The following NEMP2 variants were observed in gnomAD, a reference collection of about 807,000 sequenced individuals.
The protein encoded by NEMP2 is nuclear envelope integral membrane protein 2.
In NEMP2, 53 loss-of-function variants were observed where a neutral mutation model predicts 54.2. That is an observed-to-expected ratio of 0.98 (90% CI 0.78 to 1.23). The LOEUF is 1.23. NEMP2 is among the 50% of genes most tolerant of loss of function. NEMP2 has a pLI of 0.00. For synonymous variants in NEMP2, 197 were observed against 190.3 expected (o/e 1.04, Z -0.29); for missense variants, 455 against 511.3 (o/e 0.89, Z 1.06).
At chr2:190,432,829 A>AAC in the NEMP2 span, among the ~76,000 whole-genome samples, 627 of 110,264 alleles carry the variant, frequency 5.7e-3, 2 homozygotes, top group South Asian at 0.014. Context: ...CCCGCCCCCC[A>AAC]ACACACACAC....
At chr2:190,503,473 T>C (rs567603126), downstream of NEMP2, among the ~76,000 whole-genome samples, 9 of 152,388 alleles carry the variant, frequency 5.9e-5, no homozygotes, top group African/African-American at 1.7e-4. The surrounding 1 kb of genome is among the most constrained non-coding windows in gnomAD (Gnocchi z 6.3). Context: ...AAGGCTACCA[T>C]ACTGGACAGC....
At chr2:190,534,366 A>T in intron 1 of NEMP2, 193 bp downstream of exon 1, 1 of 1,205,938 alleles carries the variant, frequency 8.3e-7, no homozygotes, top group Non-Finnish European at 1.0e-6. Flanking sequence ...CTGCCAGGCG[A>T]GAGACTACGG....
chr2:190,554,220 C>A, the NEMP2 span, among the ~76,000 whole-genome samples: 1 of 152,200 alleles, frequency 6.6e-6, no homozygotes, highest in East Asian at 1.9e-4. This position sits in a 1 kb window ranked among gnomAD's most constrained non-coding sequence, Gnocchi z 5.7. Flanking sequence ...CAGCACAAAA[C>A]TGGGCAGCTG....
At chr2:190,641,063 G>C in the NEMP2 span, 1 of 152,138 alleles carries the variant, frequency 6.6e-6, no homozygotes, top group East Asian at 1.9e-4. Context: ...CACGTCAAGA[G>C]GCTGGTTTAG....
At chr2:190,586,145 A>G in the NEMP2 span, among the ~76,000 whole-genome samples, 3 of 152,172 alleles carry the variant, frequency 2.0e-5, no homozygotes, top group Non-Finnish European at 2.9e-5. The surrounding 1 kb of genome is among the most constrained non-coding windows in gnomAD (Gnocchi z 4.5). Context: ...TTCAATGCCT[A>G]AATCATACAA....
upstream of NEMP2, among the ~76,000 whole-genome samples, chr2:190,536,695 C>G (rs1339232084): frequency 6.6e-6 from 1 of 152,186 alleles, no homozygotes; most frequent in African/African-American, 2.4e-5. Flanking sequence ...CATGCAAACA[C>G]TGCTAAAAGC....
chr2:190,597,232 G>A, the NEMP2 span, among the ~76,000 whole-genome samples: 2 of 147,622 alleles, frequency 1.4e-5, no homozygotes, highest in Non-Finnish European at 1.5e-5. The surrounding 1 kb of genome is among the most constrained non-coding windows in gnomAD (Gnocchi z 4.7). Context: ...GTCACTGCAC[G>A]CCAGCCTGGG....
chr2:190,603,220 C>A, the NEMP2 span, among the ~76,000 whole-genome samples: 1 of 151,976 alleles, frequency 6.6e-6, no homozygotes, highest in African/African-American at 2.4e-5. Context: ...GGGATGGAAG[C>A]AATGAATTTT....
the NEMP2 span, among the ~76,000 whole-genome samples, chr2:190,621,275 G>C: frequency 6.6e-6 from 1 of 152,278 alleles, no homozygotes; most frequent in Non-Finnish European, 1.5e-5. Flanking sequence ...ATAGCCTATT[G>C]CTCCTAGGCT....
the NEMP2 span, among the ~76,000 whole-genome samples, chr2:190,629,327 A>C: frequency 6.6e-6 from 1 of 152,162 alleles, no homozygotes; most frequent in Non-Finnish European, 1.5e-5. Flanking sequence ...GATGTCAAAA[A>C]TTTTTTGCAC....
the NEMP2 span, among the ~76,000 whole-genome samples, chr2:190,438,061 G>A: frequency 3.1e-3 from 471 of 152,250 alleles, 1 homozygote; most frequent in African/African-American, 0.01. This position sits in a 1 kb window ranked among gnomAD's most constrained non-coding sequence, Gnocchi z 5.2. Context: ...GTAACCCACC[G>A]TAATCCCTAA....
the NEMP2 span, chr2:190,553,278 A>G: frequency 6.6e-6 from 1 of 152,190 alleles, no homozygotes; most frequent in Non-Finnish European, 1.5e-5. Context: ...AGAGAACTCA[A>G]ATGACTTGAT....
chr2:190,500,509 T>C, downstream of NEMP2: 1 of 365,204 alleles, frequency 2.7e-6, no homozygotes, highest in Non-Finnish European at 5.0e-6. This position sits in a 1 kb window ranked among gnomAD's most constrained non-coding sequence, Gnocchi z 5.3. Flanking sequence ...TCTCTGCCAG[T>C]GCAGTAAGAG....
At chr2:190,480,368 G>A in the NEMP2 span, among the ~76,000 whole-genome samples, 1 of 140,036 alleles carries the variant, frequency 7.1e-6, no homozygotes, top group Non-Finnish European at 1.5e-5. Context: ...TCAGCCCCCT[G>A]TATCATGTAC....
chr2:190,563,110 T>C, the NEMP2 span, among the ~76,000 whole-genome samples: 1 of 152,200 alleles, frequency 6.6e-6, no homozygotes, highest in South Asian at 2.1e-4. The surrounding 1 kb of genome is among the most constrained non-coding windows in gnomAD (Gnocchi z 4.3). Context: ...AATTTCTAAT[T>C]AATTGTTTTC....
the NEMP2 span, among the ~76,000 whole-genome samples, chr2:190,495,041 G>A: frequency 6.6e-6 from 1 of 152,154 alleles, no homozygotes; most frequent in Non-Finnish European, 1.5e-5. The surrounding 1 kb of genome is among the most constrained non-coding windows in gnomAD (Gnocchi z 4.7). Flanking sequence ...ATCCAAATAG[G>A]TAAAGAGGAA....
chr2:190,527,905 A>T lies in NEMP2; in HGVS notation c.98-2527T>A, dbSNP rs1212320988. ...TCTGAGGTGGAACAGTTTCATCCCA[A>T]AACCACCCCAACCCCACTCCTATCC... On this transcript the variant is annotated intron_variant, in intron 1 of 8. Coordinates refer to ENST00000409150, the MANE Select transcript of NEMP2 (RefSeq NM_001142645.2). This position sits in a 1 kb window ranked among gnomAD's most constrained non-coding sequence, Gnocchi z 4.0. 2.0e-5 allele frequency among the ~76,000 whole-genome samples: 3 copies of T among 152,050 alleles called. No individual in the cohort carries two copies. The highest frequency in any genetic ancestry group is 4.4e-5 in the Non-Finnish European group (3 of 68,006).
chr2:190,421,456 A>G, the NEMP2 span, among the ~76,000 whole-genome samples: 1 of 150,318 alleles, frequency 6.7e-6, no homozygotes, highest in African/African-American at 2.5e-5. Context: ...AGTGAGAGTT[A>G]TGGATGTATG....
chr2:190,607,189 G>C, the NEMP2 span, among the ~76,000 whole-genome samples: 1,504 of 152,344 alleles, frequency 9.9e-3, 16 homozygotes, highest in Non-Finnish European at 0.014. This position sits in a 1 kb window ranked among gnomAD's most constrained non-coding sequence, Gnocchi z 5.2. Flanking sequence ...ATAGGAGTCA[G>C]GGTTTGACAG....
Sources: allele counts gnomAD v4.1 joint callset (sites outside exome capture counted in the v4.1 genomes callset), GRCh38; gene constraint gnomAD v4.1.1; non-coding constraint Gnocchi (gnomAD v3.1); transcripts MANE v1.5; gene names NCBI Gene and HGNC (gene_info 2026-07-23, HGNC 2026-07-21).